The following PTPRG variants were observed in gnomAD, a reference collection of about 807,000 sequenced individuals.
The protein encoded by PTPRG is protein tyrosine phosphatase receptor type G.
A neutral mutation model predicts 165.3 loss-of-function variants in PTPRG; 102 were observed. That is an observed-to-expected ratio of 0.62 (90% CI 0.53 to 0.73). The LOEUF (loss-of-function observed/expected upper bound fraction) is 0.73. Ranked by LOEUF, PTPRG falls within the 30% of genes least tolerant of loss-of-function variation. The probability of loss-of-function intolerance (pLI) is 0.00; values close to 1 mark genes in which losing one functional copy is unlikely to be tolerated. For synonymous variants in PTPRG, 675 were observed against 669.5 expected (o/e 1.01, Z -0.13); for missense variants, 1,866 against 1,861.4 (o/e 1.00, Z -0.05).
intron 1 of PTPRG, among the ~76,000 whole-genome samples, chr3:61,649,747 C>T (rs1177477831): frequency 1.3e-5 from 2 of 152,194 alleles, no homozygotes; most frequent in African/African-American, 2.4e-5. Context: ...ATTACATTGG[C>T]TCCTCTTAGA....
In PTPRG at chr3:61,986,548, AGAG is replaced by A. The variant is rs1342536412; in HGVS notation, c.191-3075_191-3073del. 3.9e-5 allele frequency among the ~76,000 whole-genome samples: 6 copies of A among 152,342 alleles called. No homozygotes were observed. In the South Asian group the frequency reaches 1.2e-3, roughly 32 times the overall value. ...ACACTATTACATTCCCTTAGTACTT[AGAG>A]GTTGGCAGTATGTCTCAATCAAAAT... On this transcript the variant is annotated intron_variant, in intron 2 of 29. Transcript: ENST00000474889.
intron 5 of PTPRG, among the ~76,000 whole-genome samples, chr3:62,117,147 G>A (rs190670657): frequency 2.4e-4 from 36 of 152,180 alleles, no homozygotes; most frequent in Middle Eastern, 6.8e-3. Context: ...TTATTCAAAC[G>A]GACCATCTTT....
chr3:61,734,377 C>T (rs1362285650), intron 1 of PTPRG, among the ~76,000 whole-genome samples: 4 of 152,132 alleles, frequency 2.6e-5, no homozygotes, highest in Non-Finnish European at 5.9e-5. Context: ...TCCAGTTGCT[C>T]CTAATACCAT....
chr3:61,986,510 T>C (rs1314881948), intron 2 of PTPRG, among the ~76,000 whole-genome samples: 3 of 152,218 alleles, frequency 2.0e-5, no homozygotes, highest in Non-Finnish European at 4.4e-5. Flanking sequence ...TGTCATCACA[T>C]GTTGAATGAG....
intron 2 of PTPRG, among the ~76,000 whole-genome samples, chr3:61,792,590 T>G (rs1713534): frequency 0.089 from 13,509 of 152,090 alleles, 739 homozygotes; most frequent in South Asian, 0.22. Context: ...ATTCAGGAAT[T>G]TGGGTTCATA....
chr3:61,935,373 ATTTC>A (rs2039460028), intron 2 of PTPRG, among the ~76,000 whole-genome samples: 1 of 152,110 alleles, frequency 6.6e-6, no homozygotes, highest in South Asian at 2.1e-4. Context: ...CTTGACTACA[ATTTC>A]TTTCTGTGTG....
At chr3:62,045,120 T>C (rs1053302129) in intron 4 of PTPRG, among the ~76,000 whole-genome samples, 3 of 152,160 alleles carry the variant, frequency 2.0e-5, no homozygotes, top group African/African-American at 7.2e-5. Context: ...TTGTCTTAGC[T>C]TTGCAATTGA....
At chr3:62,119,729 T>C (rs113764397) in intron 5 of PTPRG, among the ~76,000 whole-genome samples, 35,389 of 151,160 alleles carry the variant, frequency 0.23, 4,304 homozygotes, top group Non-Finnish European at 0.28. Context: ...CAAGTAATTC[T>C]CCTGCCTCAG....
At chr3:62,289,899 CA>C (rs963856896) in intron 28 of PTPRG, among the ~76,000 whole-genome samples, 8 of 151,840 alleles carry the variant, frequency 5.3e-5, no homozygotes, top group African/African-American at 1.9e-4. Context: ...ACAGTAAAAG[CA>C]GAAGATAGAA....
rs192862548 is a variant in PTPRG, at chr3:61,751,301, T to C, written c.190+2319T>C. ...CACCTTAAAACCACAGCAAATGAGA[T>C]GTGGGACTATTAGCTGCAGGCATAG... is the stretch of plus-strand genomic sequence containing the variant. On this transcript the variant is annotated intron_variant, in intron 2 of 29. Coordinates refer to ENST00000474889, the MANE Select transcript of PTPRG (RefSeq NM_002841.4). Among the ~76,000 whole-genome samples the C allele has an allele frequency of 9.5e-4, 145 of 152,302 alleles. 3 individuals are homozygous for C. The South Asian group carries it at 0.02, about 21-fold the overall frequency.
At chr3:61,986,078 T>A (rs1325367696) in intron 2 of PTPRG, among the ~76,000 whole-genome samples, 2 of 151,312 alleles carry the variant, frequency 1.3e-5, no homozygotes, top group Non-Finnish European at 2.9e-5. Flanking sequence ...AAAATAAATA[T>A]GACAATGATC....
chr3:61,794,651 C>T (rs2034992549), intron 2 of PTPRG, among the ~76,000 whole-genome samples: 1 of 152,188 alleles, frequency 6.6e-6, no homozygotes, highest in Non-Finnish European at 1.5e-5. Flanking sequence ...ATCTTTAAAA[C>T]ATGGAACATT....
intron 2 of PTPRG, among the ~76,000 whole-genome samples, chr3:61,971,823 T>G (rs2040391209): frequency 6.6e-6 from 1 of 152,172 alleles, no homozygotes; most frequent in South Asian, 2.1e-4. Context: ...TATACCTCAA[T>G]AGAGTTGTTT....
chr3:62,153,987 T>C (rs1001958704), intron 6 of PTPRG, among the ~76,000 whole-genome samples: 10 of 152,246 alleles, frequency 6.6e-5, no homozygotes, highest in African/African-American at 2.2e-4. Flanking sequence ...GAATCCCATG[T>C]GAGTCTCTGT....
intron 1 of PTPRG, among the ~76,000 whole-genome samples, chr3:61,637,746 C>T (rs148635490): frequency 4.5e-4 from 68 of 152,222 alleles, no homozygotes; most frequent in Non-Finnish European, 7.5e-4. Flanking sequence ...GTGTGTTTAT[C>T]GTTGTTGGCC....
At chr3:61,736,273 C>G (rs372687065) in intron 1 of PTPRG, among the ~76,000 whole-genome samples, 7 of 151,610 alleles carry the variant, frequency 4.6e-5, no homozygotes, top group African/African-American at 1.7e-4. Flanking sequence ...CATAGTAGAG[C>G]CTTCTGTACC....
At chr3:61,937,155 CTT>C (rs2039501346) in intron 2 of PTPRG, among the ~76,000 whole-genome samples, 1 of 152,314 alleles carries the variant, frequency 6.6e-6, no homozygotes, top group East Asian at 1.9e-4. Flanking sequence ...TTGCTAAAGT[CTT>C]TCCTTGAAAG....
chr3:62,031,581 C>A (rs980021002), intron 4 of PTPRG, among the ~76,000 whole-genome samples: 1 of 152,142 alleles, frequency 6.6e-6, no homozygotes, highest in Non-Finnish European at 1.5e-5. Flanking sequence ...GCTACCTGAT[C>A]CTGGTAGATG....
intron 3 of PTPRG, among the ~76,000 whole-genome samples, chr3:61,998,364 A>G (rs889039018): frequency 5.9e-5 from 9 of 152,248 alleles, no homozygotes; most frequent in East Asian, 5.8e-4. Context: ...TAAAGGTTGC[A>G]TAACACCAGT....
Sources: gnomAD v4.1 joint callset for allele counts (sites outside exome capture counted in the v4.1 genomes callset) on GRCh38, gnomAD v4.1.1 for gene constraint, MANE v1.5 for transcripts, NCBI Gene and HGNC (gene_info 2026-07-23, HGNC 2026-07-21) for gene names.